The following ACOX2 variants were observed in gnomAD, a reference collection of about 807,000 sequenced individuals.
The protein encoded by ACOX2 is peroxisomal acyl-coenzyme A oxidase 2.
ACOX2 carries 59 observed loss-of-function variants against 77.5 expected under a neutral mutation model. That is an observed-to-expected ratio of 0.76 (90% CI 0.62 to 0.95). The LOEUF is 0.95. Ranked by LOEUF, ACOX2 falls within the 40% of genes least tolerant of loss-of-function variation. ACOX2 has a pLI of 0.00. For synonymous variants in ACOX2, 317 were observed against 340.1 expected (o/e 0.93, Z 0.75); for missense variants, 837 against 880.4 (o/e 0.95, Z 0.62).
rs2063343243 is a variant in ACOX2 at position 58,519,323 on chromosome 3, G to T, written c.1633-1900C>A. Among the ~76,000 whole-genome samples the T allele has an allele frequency of 6.6e-6, 1 of 152,084 alleles. No individual in the cohort carries two copies. The highest frequency in any genetic ancestry group is 2.1e-4 in the South Asian group (1 of 4,830). Reference sequence around the variant, plus strand: ...TGCTTGAACCTGGGAGGTGGAGGTTGCAGTGAGCTGAGACCGTGCCACTGC... The same window carrying T: ...TGCTTGAACCTGGGAGGTGGAGGTTTCAGTGAGCTGAGACCGTGCCACTGC... On this transcript the variant is annotated intron_variant, in intron 12 of 14. Transcript: ENST00000302819. This position sits in a 1 kb window ranked among gnomAD's most constrained non-coding sequence, Gnocchi z 5.0.
chr3:58,509,251 T>C (rs991825520), intron 13 of ACOX2, among the ~76,000 whole-genome samples: 1 of 152,142 alleles, frequency 6.6e-6, no homozygotes, highest in African/African-American at 2.4e-5. Context: ...TATCCGGCCA[T>C]GCGTGGTGGC....
chr3:58,508,753 TA>T (rs1237374868), intron 14 of ACOX2, 139 bp downstream of exon 14: 4 of 1,150,572 alleles, frequency 3.5e-6, no homozygotes, highest in Non-Finnish European at 4.8e-6. Flanking sequence ...ATGTGTTCTC[TA>T]AGAATATTTT....
chr3:58,509,096 A>C, intron 13 of ACOX2, 71 bp from the exon 14 acceptor site: 1 of 1,519,762 alleles, frequency 6.6e-7, no homozygotes, highest in Non-Finnish European at 9.1e-7. Flanking sequence ...TTGGATGGTG[A>C]ATAACAATAC....
Position 58,519,539 on chromosome 3 carries a change from A to G in ACOX2, c.1633-2116T>C, listed in dbSNP as rs2063344752. On this transcript the variant is annotated intron_variant, in intron 12 of 14. Transcript: ENST00000302819. This position sits in a 1 kb window ranked among gnomAD's most constrained non-coding sequence, Gnocchi z 5.0. ...TAATGAGGCTGAAGTGTGGTGGTAT[A>G]ATGAGGTGATGATGGGGAACCATGG... Among the ~76,000 whole-genome samples the G allele has an allele frequency of 6.6e-6, 1 of 152,088 alleles. No individual in the cohort carries two copies. The highest frequency in any genetic ancestry group is 1.5e-5 in the Non-Finnish European group (1 of 68,016).
Position 58,533,815 on chromosome 3 carries a change from G to A in ACOX2, c.475+179C>T, listed in dbSNP as rs1008368104. The A allele has an allele frequency of 2.5e-5, 20 of 808,016 alleles. No individual in the cohort carries two copies. The highest frequency in any genetic ancestry group is 2.1e-4 in the African/African-American group (12 of 57,678). The allele number at this position is 808,016 out of a possible 1,614,324, so 50.1% of individuals were successfully genotyped here. ...GCCCCACTGGGAGCTCATACAATAC[G>A]TGCAAATTAGAAGGTGGCACCCCTT... is the stretch of plus-strand genomic sequence containing the variant. On this transcript the variant is annotated intron_variant, in intron 4 of 14. Transcript: ENST00000302819. This position sits in a 1 kb window ranked among gnomAD's most constrained non-coding sequence, Gnocchi z 5.6.
chr3:58,526,755 C>G lies in ACOX2; in HGVS notation c.1156-99G>C. 3.8e-6 allele frequency: 5 copies of G among 1,321,438 alleles called. No individual in the cohort carries two copies. Among genetic ancestry groups the G allele is most frequent in the Non-Finnish European group, 5.2e-6 (5 of 957,956 alleles). The allele number at this position is 1,321,438 out of a possible 1,614,324, so 81.9% of individuals were successfully genotyped here. A position where few individuals can be genotyped will look rare whatever the true frequency, so the allele number is the denominator to read the frequency against. ...ACTGAGCATCTACTCATGCCCAGCT[C>G]AGCTCTGAGGTAAGAAGTGTTTCCT... On this transcript the variant is annotated intron_variant, in intron 9 of 14. Transcript: ENST00000302819. This position sits in a 1 kb window ranked among gnomAD's most constrained non-coding sequence, Gnocchi z 4.3.
Position 58,531,745 on chromosome 3 carries a change from C to A in ACOX2, c.651G>T (p.Met217Ile). The A allele has an allele frequency of 6.2e-7, 1 of 1,614,178 alleles. No individual in the cohort carries two copies. The highest frequency in any genetic ancestry group is 8.5e-7 in the Non-Finnish European group (1 of 1,180,026). Reference protein sequence around the residue: ...QLICSGARRGMHAFIVPIRSL... With the variant: ...QLICSGARRGIHAFIVPIRSL... ...TCCGGATTGGCACAATAAAAGCGTG[C>A]ATGCCCCGCCTGGCTCCTGAGCAGA... Residue 217 changes from methionine (M) to isoleucine (I), a missense_variant, in exon 6 of 15, where the codon ATG becomes ATT. By Grantham distance (10) the Met-to-Ile change is conservative. Coordinates refer to ENST00000302819, the MANE Select transcript of ACOX2 (RefSeq NM_003500.4). The surrounding 1 kb of genome is among the most constrained non-coding windows in gnomAD (Gnocchi z 5.8).
At position 58,515,378 on chromosome 3, in the gene ACOX2, G is replaced by A. The variant is rs2063315090; in HGVS notation, c.1850+1828C>T. On this transcript the variant is annotated intron_variant, in intron 13 of 14. Coordinates refer to ENST00000302819, the MANE Select transcript of ACOX2 (RefSeq NM_003500.4). This position sits in a 1 kb window ranked among gnomAD's most constrained non-coding sequence, Gnocchi z 4.0. ...GTTACATGCTATGAGTAGTCATAAA[G>A]GGCATGTAACATATTGCATATTGTG... is the stretch of plus-strand genomic sequence containing the variant. Among the ~76,000 whole-genome samples, 1 of 152,084 alleles carries A rather than the reference G, an allele frequency of 6.6e-6. No individual in the cohort carries two copies. The highest frequency in any genetic ancestry group is 1.5e-5 in the Non-Finnish European group (1 of 68,016).
Position 58,521,830 on chromosome 3 carries a change from T to G in ACOX2, c.1632+666A>C, listed in dbSNP as rs944194305. On this transcript the variant is annotated intron_variant, in intron 12 of 14. Coordinates refer to ENST00000302819, the MANE Select transcript of ACOX2 (RefSeq NM_003500.4). This position sits in a 1 kb window ranked among gnomAD's most constrained non-coding sequence, Gnocchi z 4.8. ...CTCCCAAGCACACCAGGATCCTTCT[T>G]GCTGCTTCCTTTTGCACGCGCAGCT... 2.6e-5 allele frequency among the ~76,000 whole-genome samples: 4 copies of G among 152,252 alleles called. No individual in the cohort carries two copies. Among genetic ancestry groups the G allele is most frequent in the Non-Finnish European group, 5.9e-5 (4 of 68,040 alleles).
rs2063227109 is a variant in ACOX2 at position 58,505,377 on chromosome 3, A to G, written c.1984-91T>C. 3 of 1,030,872 alleles carry G rather than the reference A, an allele frequency of 2.9e-6. No individual in the cohort carries two copies. Among genetic ancestry groups the G allele is most frequent in the Non-Finnish European group, 4.2e-6 (3 of 705,968 alleles). 63.9% of individuals were successfully genotyped at this position (1,030,872 alleles called of 1,614,324 possible). A position where few individuals can be genotyped will look rare whatever the true frequency, so the allele number is the denominator to read the frequency against. On this transcript the variant is annotated intron_variant, in intron 14 of 14. Transcript: ENST00000302819. The surrounding 1 kb of genome is among the most constrained non-coding windows in gnomAD (Gnocchi z 4.4). The stretch of plus-strand genomic sequence containing the variant: ...TCAAATTAAGTCTCTAGCTTCAAAA[A>G]GTAACATTACGTAAGATTCTTAATT...
At chr3:58,510,701 TATATATATACACACACACACACAC>T (rs1167055971) in intron 13 of ACOX2, among the ~76,000 whole-genome samples, 529 of 5,438 alleles carry the variant, frequency 0.097, 47 homozygotes, top group African/African-American at 0.14. Flanking sequence ...TATATATATA[TATATATATACACACACACACACAC>T]ACACACACAC....
At position 58,522,567 on chromosome 3, in the gene ACOX2, G is replaced by A. The variant is rs2063366178; in HGVS notation, c.1561C>T (p.Leu521=). The A allele has an allele frequency of 6.2e-7, 1 of 1,614,076 alleles. No homozygotes were observed. Among genetic ancestry groups the A allele is most frequent in the South Asian group, 1.1e-5 (1 of 91,090 alleles). The change falls in exon 12 of 15, where the codon CTG becomes TTG. Residue 521 remains leucine, a synonymous_variant. Transcript: ENST00000302819. The surrounding 1 kb of genome is among the most constrained non-coding windows in gnomAD (Gnocchi z 4.3). The part of the protein sequence containing the change: ...IKDSVQHLQT[L]TQSGADQHEA... ...TGCTGGTCAGCTCCGGATTGCGTCA[G>A]GGTCTGTAAATGCTGCACTGAGTCC...
chr3:58,530,484 T>A lies in ACOX2; in HGVS notation c.974A>T (p.Gln325Leu). ...IAMRYSVIRR[Q>L]SRLRPSDPEA... ...CCCTTGCCTGGGCCGGAGCCGGGAT[T>A]GGCGGCGGATGACCGAGTAGCGCAT... The change falls in exon 8 of 15, where the codon CAA becomes CTA. Residue 325 changes from glutamine (Q) to leucine (L), a missense_variant. Gln to Leu is a moderately radical substitution (Grantham distance 113). Coordinates refer to ENST00000302819, the MANE Select transcript of ACOX2 (RefSeq NM_003500.4). 6.2e-7 allele frequency: 1 copy of A among 1,614,124 alleles called. No homozygotes were observed. Among genetic ancestry groups the A allele is most frequent in the Non-Finnish European group, 8.5e-7 (1 of 1,179,924 alleles).
In ACOX2 at chr3:58,522,462, G is replaced by A. The variant is rs2063365000; in HGVS notation, c.1632+34C>T. On this transcript the variant is annotated intron_variant, in intron 12 of 14. Coordinates refer to ENST00000302819, the MANE Select transcript of ACOX2 (RefSeq NM_003500.4). This position sits in a 1 kb window ranked among gnomAD's most constrained non-coding sequence, Gnocchi z 4.3. The stretch of plus-strand genomic sequence containing the variant: ...GGGTAGCCTGCCTGGGAAGCAAAAT[G>A]GATCCCTTTCAGCTTCAGCTGGCAG... 3 of 1,600,248 alleles carry A rather than the reference G, an allele frequency of 1.9e-6. No homozygotes were observed. The highest frequency in any genetic ancestry group is 1.3e-5 in the African/African-American group (1 of 74,654).
Position 58,524,627 on chromosome 3 carries a change from A to T in ACOX2, c.1347-22T>A, listed in dbSNP as rs747527108. Reference sequence around the variant, plus strand: ...GAACCTGGGGGTTGGAAGAGGAGGCAGGTGAGAGGGCAGAGACTCTGTGAG... The same window carrying T: ...GAACCTGGGGGTTGGAAGAGGAGGCTGGTGAGAGGGCAGAGACTCTGTGAG... On this transcript the variant is annotated intron_variant, in intron 10 of 14. Coordinates refer to ENST00000302819, the MANE Select transcript of ACOX2 (RefSeq NM_003500.4). The surrounding 1 kb of genome is among the most constrained non-coding windows in gnomAD (Gnocchi z 5.5). 2.0e-5 allele frequency: 33 copies of T among 1,611,162 alleles called. No homozygotes were observed. Among genetic ancestry groups the T allele is most frequent in the Non-Finnish European group, 2.8e-5 (33 of 1,178,944 alleles).
intron 13 of ACOX2, among the ~76,000 whole-genome samples, chr3:58,516,110 A>G (rs1420238997): frequency 2.0e-5 from 3 of 152,150 alleles, no homozygotes; most frequent in African/African-American, 4.8e-5. Flanking sequence ...TTAGTATTTC[A>G]TTCACCATAC....
At position 58,514,127 on chromosome 3, in the gene ACOX2, G is replaced by C. The variant is rs917141190; in HGVS notation, c.1850+3079C>G. On this transcript the variant is annotated intron_variant, in intron 13 of 14. Coordinates refer to ENST00000302819, the MANE Select transcript of ACOX2 (RefSeq NM_003500.4). This position sits in a 1 kb window ranked among gnomAD's most constrained non-coding sequence, Gnocchi z 4.3. ...CTCTATTTACCCTTCTGCCAGGGCA[G>C]AGTCAAGGAAAGTCTTAAAATTACT... 6.6e-6 allele frequency among the ~76,000 whole-genome samples: 1 copy of C among 152,144 alleles called. No homozygotes were observed. The highest frequency in any genetic ancestry group is 1.5e-5 in the Non-Finnish European group (1 of 68,032).
Position 58,531,236 on chromosome 3 carries a change from C to T in ACOX2, c.819+15G>A. 1 of 1,608,270 alleles carries T rather than the reference C, an allele frequency of 6.2e-7. No homozygotes were observed. Among genetic ancestry groups the T allele is most frequent in the Non-Finnish European group, 8.5e-7 (1 of 1,176,676 alleles). On this transcript the variant is annotated intron_variant, in intron 7 of 14. Transcript: ENST00000302819. The surrounding 1 kb of genome is among the most constrained non-coding windows in gnomAD (Gnocchi z 5.8). The stretch of plus-strand genomic sequence containing the variant: ...TCCAGGAAGTACAAGTCCCCGGCCT[C>T]CCCAGATCTGTAACCTGTGCAAAGC...
rs1167650677 is a variant in ACOX2 at position 58,525,183 on chromosome 3, T to C, written c.1347-578A>G. ...GGACAGTTCTCATCTGATTGAGGGT[T>C]TGTGAAATGGAATGAGATGATATTT... On this transcript the variant is annotated intron_variant, in intron 10 of 14. Transcript: ENST00000302819. This position sits in a 1 kb window ranked among gnomAD's most constrained non-coding sequence, Gnocchi z 5.0. Among the ~76,000 whole-genome samples, 1 of 152,156 alleles carries C rather than the reference T, an allele frequency of 6.6e-6. No individual in the cohort carries two copies. The highest frequency in any genetic ancestry group is 1.5e-5 in the Non-Finnish European group (1 of 68,020).
Sources: allele counts gnomAD v4.1 joint callset (sites outside exome capture counted in the v4.1 genomes callset), GRCh38; gene constraint gnomAD v4.1.1; non-coding constraint Gnocchi (gnomAD v3.1); transcripts MANE v1.5; gene names NCBI Gene and HGNC (gene_info 2026-07-23, HGNC 2026-07-21).